The following DLC1 variants were observed in gnomAD, a reference collection of about 807,000 sequenced individuals.
DLC1 encodes DLC1 Rho GTPase activating protein.
A neutral mutation model predicts 140.3 loss-of-function variants in DLC1; 54 were observed. That is an observed-to-expected ratio of 0.38 (90% CI 0.31 to 0.48). The LOEUF (loss-of-function observed/expected upper bound fraction) is 0.48, where lower values mean the gene tolerates loss of function less well. Ranked by LOEUF, DLC1 falls within the 20% of genes least tolerant of loss-of-function variation. DLC1 has a pLI of 0.96. For synonymous variants in DLC1, 986 were observed against 728.1 expected (o/e 1.35, Z -5.70); for missense variants, 2,536 against 1,907.0 (o/e 1.33, Z -6.14).
chr8:13,181,541 G>A (rs940029130), intron 5 of DLC1, among the ~76,000 whole-genome samples: 1 of 142,782 alleles, frequency 7.0e-6, no homozygotes, highest in Non-Finnish European at 1.5e-5. Flanking sequence ...TTGTGTCTAA[G>A]TGATCTCATT....
At chr8:13,526,841 C>T (rs780380997) in intron 1 of DLC1, among the ~76,000 whole-genome samples, 9 of 152,240 alleles carry the variant, frequency 5.9e-5, no homozygotes, top group South Asian at 4.1e-4. Flanking sequence ...TTAACGGGTG[C>T]AGCACACCAA....
chr8:13,593,134 A>C (rs1201468355), intron 1 of DLC1, among the ~76,000 whole-genome samples: 1 of 152,052 alleles, frequency 6.6e-6, no homozygotes, highest in Middle Eastern at 3.2e-3. Flanking sequence ...TCTATGTTCC[A>C]GTTGATAATT....
At chr8:13,299,916 G>A (rs1832117274) in intron 5 of DLC1, among the ~76,000 whole-genome samples, 1 of 152,150 alleles carries the variant, frequency 6.6e-6, no homozygotes, top group Admixed American at 6.5e-5. Flanking sequence ...CACTGAGTCA[G>A]CAATCGCATT....
intron 16 of DLC1, among the ~76,000 whole-genome samples, chr8:13,087,312 G>T (rs553584569): frequency 1.5e-3 from 233 of 152,342 alleles, no homozygotes; most frequent in Non-Finnish European, 2.4e-3. Context: ...TGAGGGGGGA[G>T]GATTGCTTGA....
At chr8:13,419,069 C>T (rs1838196650) in intron 2 of DLC1, among the ~76,000 whole-genome samples, 2 of 152,042 alleles carry the variant, frequency 1.3e-5, no homozygotes, top group South Asian at 2.1e-4. Flanking sequence ...GATTTTGTAT[C>T]CTGAGACTTT....
intron 5 of DLC1, among the ~76,000 whole-genome samples, chr8:13,218,958 G>GAATA (rs370930887): frequency 3.2e-5 from 1 of 31,692 alleles, no homozygotes; most frequent in African/African-American, 2.1e-4. Context: ...AATTATATAC[G>GAATA]TATATAATTA....
At chr8:13,274,149 T>C (rs1831067071) in intron 5 of DLC1, among the ~76,000 whole-genome samples, 2 of 152,098 alleles carry the variant, frequency 1.3e-5, no homozygotes, top group African/African-American at 4.8e-5. Flanking sequence ...CATTAGTTCA[T>C]GTTTGGTGAG....
At chr8:13,294,725 G>A (rs1214704184) in intron 5 of DLC1, among the ~76,000 whole-genome samples, 1 of 152,180 alleles carries the variant, frequency 6.6e-6, no homozygotes, top group East Asian at 1.9e-4. Flanking sequence ...AGAAGTCTTG[G>A]CATTTAACCA....
At position 13,116,079 on chromosome 8, in the gene DLC1, G is replaced by T. The variant is rs190850411; in HGVS notation, c.1349-422C>A. On this transcript the variant is annotated intron_variant, in intron 5 of 17. Transcript: ENST00000276297. ...GTACCTCCACCACCACGCTAAAATA[G>T]AATTTATCTGAGTAAAGTCACAGGC... The T allele has an allele frequency of 9.6e-6, 9 of 936,776 alleles. No individual in the cohort carries two copies. The African/African-American group carries it at 1.2e-4, about 13-fold the overall frequency. The allele number at this position is 936,776 out of a possible 1,614,324, so 58.0% of individuals were successfully genotyped here. A position where few individuals can be genotyped will look rare whatever the true frequency, so the allele number is the denominator to read the frequency against.
intron 4 of DLC1, among the ~76,000 whole-genome samples, chr8:13,381,218 T>A (rs770752466): frequency 1.3e-5 from 2 of 152,198 alleles, no homozygotes; most frequent in Non-Finnish European, 2.9e-5. Context: ...ATGTATCACA[T>A]GGCATCGTGT....
At chr8:13,359,498 C>G (rs76732808) in intron 4 of DLC1, among the ~76,000 whole-genome samples, 9 of 152,158 alleles carry the variant, frequency 5.9e-5, no homozygotes, top group South Asian at 2.1e-4. Context: ...GGAATCTTGA[C>G]TATTGGAAGA....
chr8:13,384,685 A>G (rs17215739), intron 4 of DLC1, among the ~76,000 whole-genome samples: 19,395 of 152,120 alleles, frequency 0.13, 1,398 homozygotes, highest in Non-Finnish European at 0.16. Context: ...TAAGACCTCA[A>G]TGATTTGGGC....
chr8:13,197,884 ACTT>A (rs1174454427), intron 5 of DLC1, among the ~76,000 whole-genome samples: 4 of 152,098 alleles, frequency 2.6e-5, no homozygotes, highest in African/African-American at 7.2e-5. Context: ...ATTAGTTTAA[ACTT>A]CTTTTTGCCT....
intron 5 of DLC1, among the ~76,000 whole-genome samples, chr8:13,253,579 TG>T (rs1385442508): frequency 6.6e-6 from 1 of 152,228 alleles, no homozygotes; most frequent in Non-Finnish European, 1.5e-5. Flanking sequence ...TTCCTTTTTC[TG>T]TTTCCTTACC....
At chr8:13,581,206 C>T (rs893678812) in intron 1 of DLC1, among the ~76,000 whole-genome samples, 1 of 152,186 alleles carries the variant, frequency 6.6e-6, no homozygotes, top group African/African-American at 2.4e-5. Flanking sequence ...CTCATAATTG[C>T]TCTCAGCTAA....
intron 2 of DLC1, among the ~76,000 whole-genome samples, chr8:13,496,120 C>T (rs1320277711): frequency 6.6e-6 from 1 of 152,160 alleles, no homozygotes; most frequent in African/African-American, 2.4e-5. Flanking sequence ...TGACCATTTG[C>T]CACTGCATTC....
intron 5 of DLC1, among the ~76,000 whole-genome samples, chr8:13,147,265 C>G (rs1351268604): frequency 2.0e-5 from 3 of 152,192 alleles, no homozygotes; most frequent in South Asian, 4.1e-4. Context: ...TAAATCTCCA[C>G]TACAAAACTG....
chr8:13,186,436 G>T (rs1047862673), intron 5 of DLC1, among the ~76,000 whole-genome samples: 1 of 151,788 alleles, frequency 6.6e-6, no homozygotes, highest in Non-Finnish European at 1.5e-5. Context: ...CCACTTGATC[G>T]AATCCACTAT....
chr8:13,396,044 C>A (rs1837025760), intron 3 of DLC1, among the ~76,000 whole-genome samples: 1 of 148,660 alleles, frequency 6.7e-6, no homozygotes, highest in Non-Finnish European at 1.5e-5. Context: ...AAATATTTTG[C>A]ATTAATTTCT....
Sources: gnomAD v4.1 joint callset for allele counts (sites outside exome capture counted in the v4.1 genomes callset) on GRCh38, gnomAD v4.1.1 for gene constraint, MANE v1.5 for transcripts, NCBI Gene and HGNC (gene_info 2026-07-23, HGNC 2026-07-21) for gene names.